The following LRRC7 variants were observed in gnomAD, a reference collection of about 807,000 sequenced individuals.
LRRC7 encodes the protein leucine-rich repeat-containing protein 7.
LRRC7 carries 23 observed loss-of-function variants against 175.7 expected under a neutral mutation model. The ratio of observed to expected loss-of-function variants is 0.13; its 90% CI spans 0.09 to 0.19. The LOEUF (loss-of-function observed/expected upper bound fraction) is 0.19, where lower values mean the gene tolerates loss of function less well. LRRC7 is among the 10% of genes least tolerant of loss of function. The pLI, the probability that LRRC7 is intolerant of heterozygous loss-of-function variation, is 1.00. For missense variants in LRRC7, 1,354 were observed against 1,904.7 expected (o/e 0.71, Z 5.38); for synonymous variants, 685 against 680.9 (o/e 1.01, Z -0.09).
At chr1:69,624,661 A>C (rs1570013020) in intron 1 of LRRC7, among the ~76,000 whole-genome samples, 1 of 152,082 alleles carries the variant, frequency 6.6e-6, no homozygotes, top group South Asian at 2.1e-4. Flanking sequence ...ACACTCATCT[A>C]AATTTTACTT....
intron 2 of LRRC7, among the ~76,000 whole-genome samples, chr1:69,729,290 C>T (rs1667307326): frequency 6.6e-6 from 1 of 152,138 alleles, no homozygotes; most frequent in Non-Finnish European, 1.5e-5. Context: ...TTCCAGCAGT[C>T]CCCCAAGGTC....
At chr1:70,116,189 A>G (rs943401116) in intron 26 of LRRC7, among the ~76,000 whole-genome samples, 1 of 152,194 alleles carries the variant, frequency 6.6e-6, no homozygotes, top group Non-Finnish European at 1.5e-5. Context: ...CTATCTTGCC[A>G]TATCTTTTAT....
At chr1:69,775,250 G>A (rs1191695335) in intron 3 of LRRC7, among the ~76,000 whole-genome samples, 1 of 152,132 alleles carries the variant, frequency 6.6e-6, no homozygotes, top group African/African-American at 2.4e-5. Flanking sequence ...TTTCATTAAG[G>A]TGTTTCAATT....
chr1:69,816,058 G>T (rs930895903), intron 4 of LRRC7, among the ~76,000 whole-genome samples: 2 of 151,886 alleles, frequency 1.3e-5, no homozygotes, highest in Non-Finnish European at 2.9e-5. Flanking sequence ...TCAGCTCACT[G>T]CAATCCCCAC....
intron 2 of LRRC7, among the ~76,000 whole-genome samples, chr1:69,708,050 G>C (rs1424447956): frequency 6.6e-6 from 1 of 152,074 alleles, no homozygotes; most frequent in Non-Finnish European, 1.5e-5. Context: ...CAGTAAAATT[G>C]GTCAGAGCTT....
chr1:69,914,408 A>G (rs1353024716), intron 7 of LRRC7, among the ~76,000 whole-genome samples: 1 of 152,212 alleles, frequency 6.6e-6, no homozygotes, highest in Non-Finnish European at 1.5e-5. Context: ...CAACTGGAAT[A>G]TTTTCCAGCT....
At chr1:69,928,066 C>G (rs1021630719) in intron 7 of LRRC7, among the ~76,000 whole-genome samples, 1 of 152,196 alleles carries the variant, frequency 6.6e-6, no homozygotes, top group African/African-American at 2.4e-5. Flanking sequence ...TGCTAGAGGT[C>G]CACACGAGAC....
chr1:70,109,269 G>A (rs768274338), intron 26 of LRRC7, among the ~76,000 whole-genome samples: 7 of 152,156 alleles, frequency 4.6e-5, no homozygotes, highest in South Asian at 2.1e-4. Flanking sequence ...TGGTCTGCCC[G>A]CCTTGGCCTC....
intron 7 of LRRC7, chr1:69,879,649 T>C (rs889703390): frequency 6.6e-6 from 1 of 152,358 alleles, no homozygotes; most frequent in South Asian, 2.1e-4. Context: ...GGCAGGAGGA[T>C]TTCTTGACCC....
At chr1:69,805,402 T>C (rs1676999006) in intron 4 of LRRC7, among the ~76,000 whole-genome samples, 1 of 151,842 alleles carries the variant, frequency 6.6e-6, no homozygotes, top group African/African-American at 2.4e-5. Flanking sequence ...GTCTACTCTG[T>C]GACGCCTTGT....
At chr1:69,957,422 G>A (rs1650613760) in intron 8 of LRRC7, among the ~76,000 whole-genome samples, 1 of 151,838 alleles carries the variant, frequency 6.6e-6, no homozygotes, top group African/African-American at 2.4e-5. Flanking sequence ...CTTTGAGGCA[G>A]AAAAGATAAT....
intron 7 of LRRC7, among the ~76,000 whole-genome samples, chr1:69,866,355 C>T (rs151160037): frequency 2.0e-5 from 3 of 152,208 alleles, no homozygotes; most frequent in Non-Finnish European, 4.4e-5. Context: ...CTAGGGTCTG[C>T]AAGTGGAGCA....
chr1:69,917,580 A>T (rs183211402), intron 7 of LRRC7, among the ~76,000 whole-genome samples: 1 of 152,284 alleles, frequency 6.6e-6, no homozygotes, highest in East Asian at 1.9e-4. Flanking sequence ...TAACAACTGT[A>T]AAGAGTGCTG....
chr1:69,991,744 A>G (rs1654460224), intron 10 of LRRC7, among the ~76,000 whole-genome samples: 1 of 152,160 alleles, frequency 6.6e-6, no homozygotes, highest in South Asian at 2.1e-4. Flanking sequence ...GGCAACTTAA[A>G]TAAAATCTTT....
At chr1:69,766,679 G>C (rs1671655311) in intron 3 of LRRC7, among the ~76,000 whole-genome samples, 1 of 152,062 alleles carries the variant, frequency 6.6e-6, no homozygotes, top group South Asian at 2.1e-4. Flanking sequence ...CCAGGCTTCT[G>C]GATTGAAAAA....
intron 7 of LRRC7, 150 bp from the exon 8 acceptor site, chr1:69,931,357 G>C (rs1647354124): frequency 9.7e-6 from 6 of 620,872 alleles, no homozygotes; most frequent in Non-Finnish European, 8.8e-6. Context: ...CATAGATTTT[G>C]TGTATTTGAG....
At chr1:70,072,420 T>G (rs999557277) in intron 23 of LRRC7, among the ~76,000 whole-genome samples, 2 of 152,210 alleles carry the variant, frequency 1.3e-5, no homozygotes, top group East Asian at 3.8e-4. Flanking sequence ...AAAAACAACT[T>G]CCTCTTTACA....
At chr1:69,691,576 T>C (rs181830358) in intron 2 of LRRC7, among the ~76,000 whole-genome samples, 1 of 151,944 alleles carries the variant, frequency 6.6e-6, no homozygotes, top group African/African-American at 2.4e-5. Context: ...GCCAGGTGGA[T>C]CGCTTAAGCT....
chr1:70,036,556 C>A lies in LRRC7; in HGVS notation c.2220C>A (p.Thr740=). The change falls in exon 20 of 27, where the codon ACC becomes ACA. Residue 740 remains threonine (T), a synonymous_variant. Coordinates refer to ENST00000651989, the MANE Select transcript of LRRC7 (RefSeq NM_001370785.2). ...PSQASSGSSN[T]RVKVGSLQTT... ...AGGCTTCCTCAGGATCCTCTAATAC[C>A]CGGGTTAAAGTGGGGTCCTTGCAGA... 6.2e-7 allele frequency: 1 copy of A among 1,614,074 alleles called. No individual in the cohort carries two copies. Among genetic ancestry groups the A allele is most frequent in the Non-Finnish European group, 8.5e-7 (1 of 1,179,962 alleles).
Sources: allele counts gnomAD v4.1 joint callset (sites outside exome capture counted in the v4.1 genomes callset), GRCh38; gene constraint gnomAD v4.1.1; transcripts MANE v1.5; gene names NCBI Gene and HGNC (gene_info 2026-07-23, HGNC 2026-07-21).